SAMD5: variants seen among roughly 807,000 people sequenced by gnomAD.
The protein encoded by SAMD5 is sterile alpha motif domain containing 5, also known as sterile alpha motif domain-containing protein 5.
SAMD5 carries 13 observed loss-of-function variants against 11.3 expected under a neutral mutation model. That is an observed-to-expected ratio of 1.15 (90% CI 0.75 to 1.83). SAMD5 has a LOEUF of 1.83. SAMD5 is among the 40% of genes most tolerant of loss of function. SAMD5 has a pLI of 0.00. For synonymous variants in SAMD5, 129 were observed against 111.3 expected, an observed-to-expected ratio of 1.16 and a Z score of -1.00; for missense variants, 255 against 239.1, an observed-to-expected ratio of 1.07 and a Z score of -0.44.
chr6:147,748,027 A>G, the SAMD5 span, among the ~76,000 whole-genome samples: 6 of 152,300 alleles, frequency 3.9e-5, no homozygotes, highest in South Asian at 1.2e-3. Flanking sequence ...TGTTCTTTAT[A>G]TATAGAGGGC....
the SAMD5 span, among the ~76,000 whole-genome samples, chr6:147,861,990 C>A: frequency 6.6e-6 from 1 of 152,032 alleles, no homozygotes; most frequent in African/African-American, 2.4e-5. Flanking sequence ...AGGGGGAGGT[C>A]CAGTTTTGGG....
At chr6:147,553,725 A>C (rs1281946219) in intron 1 of SAMD5, among the ~76,000 whole-genome samples, 2 of 152,130 alleles carry the variant, frequency 1.3e-5, no homozygotes, top group African/African-American at 2.4e-5. Context: ...GTTTCTTCCG[A>C]GTTCATTTGG....
the SAMD5 span, among the ~76,000 whole-genome samples, chr6:147,947,936 C>G: frequency 6.6e-6 from 1 of 151,932 alleles, no homozygotes. Context: ...TACTGTGTTA[C>G]TCCAGTATTT....
chr6:147,865,517 T>C, the SAMD5 span, among the ~76,000 whole-genome samples: 6 of 152,170 alleles, frequency 3.9e-5, no homozygotes, highest in African/African-American at 1.4e-4. Flanking sequence ...TTTATTCCAA[T>C]AGTAATTTAG....
At chr6:147,799,609 T>G in the SAMD5 span, among the ~76,000 whole-genome samples, 1 of 152,114 alleles carries the variant, frequency 6.6e-6, no homozygotes, top group South Asian at 2.1e-4. Flanking sequence ...AATCTGAACT[T>G]TGGCCTGCCT....
intron 1 of SAMD5, among the ~76,000 whole-genome samples, chr6:147,510,057 G>A (rs1788064618): frequency 6.6e-6 from 1 of 152,208 alleles, no homozygotes; most frequent in Admixed American, 6.5e-5. Flanking sequence ...CACAGGATGT[G>A]CTTCAGAGGT....
Position 147,583,717 on chromosome 6 carries a change from G to T in SAMD5, c.162+74330G>T, listed in dbSNP as rs191627735. Among the ~76,000 whole-genome samples the T allele has an allele frequency of 2.5e-3, 379 of 152,052 alleles. 1 individual carries two copies. The highest frequency in any genetic ancestry group is 8.8e-3 in the African/African-American group (367 of 41,488). ...CTACTTTATAACCTGTTGCCATTCT[G>T]CCCCATAGAACGGTAAAATGAACAG... On this transcript the variant is annotated intron_variant, in intron 1 of 1. Transcript: ENST00000566741.
At chr6:147,905,164 A>G in the SAMD5 span, among the ~76,000 whole-genome samples, 1 of 151,722 alleles carries the variant, frequency 6.6e-6, no homozygotes, top group South Asian at 2.1e-4. Flanking sequence ...CTGGGATTAC[A>G]GGCGTGAGCC....
downstream of SAMD5, among the ~76,000 whole-genome samples, chr6:147,738,570 T>C (rs1042836685): frequency 1.3e-5 from 2 of 152,222 alleles, no homozygotes; most frequent in Non-Finnish European, 2.9e-5. Context: ...TTATTCTACA[T>C]ATTTTATATA....
the SAMD5 span, among the ~76,000 whole-genome samples, chr6:147,905,185 G>A: frequency 6.6e-6 from 1 of 151,796 alleles, no homozygotes; most frequent in Non-Finnish European, 1.5e-5. Context: ...ACTGCGCCCG[G>A]CCTTTTTTTT....
At chr6:147,547,458 C>T (rs535089305) in intron 1 of SAMD5, among the ~76,000 whole-genome samples, 25 of 128,460 alleles carry the variant, frequency 1.9e-4, no homozygotes, top group African/African-American at 7.5e-4. Context: ...GTTTGCTTTG[C>T]TGGCTGTTAG....
intron 1 of SAMD5, among the ~76,000 whole-genome samples, chr6:147,553,563 TG>T (rs912549279): frequency 2.6e-5 from 4 of 152,346 alleles, no homozygotes; most frequent in African/African-American, 9.6e-5. Flanking sequence ...CCTTGGACAA[TG>T]GCTGAGAGGT....
chr6:147,648,958 A>C (rs1790442582), intron 1 of SAMD5, among the ~76,000 whole-genome samples: 1 of 152,242 alleles, frequency 6.6e-6, no homozygotes. Context: ...GAACTGATAA[A>C]AGCCATCACC....
chr6:147,599,877 T>C (rs1789589706), intron 1 of SAMD5, among the ~76,000 whole-genome samples: 1 of 152,184 alleles, frequency 6.6e-6, no homozygotes, highest in Admixed American at 6.5e-5. Context: ...AAACAAATGC[T>C]GAACTTAGTG....
chr6:147,592,860 C>T lies in SAMD5; in HGVS notation c.162+83473C>T, dbSNP rs9403863. 8.7e-3 allele frequency among the ~76,000 whole-genome samples: 1,322 copies of T among 152,204 alleles called. 60 individuals are homozygous for T. Among genetic ancestry groups the T allele is most frequent in the Admixed American group, 0.071 (1,086 of 15,276 alleles). On this transcript the variant is annotated intron_variant, in intron 1 of 1. Transcript: ENST00000566741. ...CTATTACCAACATTCTTTTTTCTTA[C>T]ACTATATTCAGGATCCATAACATTC...
At chr6:147,601,437 G>A (rs998811669) in intron 1 of SAMD5, among the ~76,000 whole-genome samples, 1 of 151,598 alleles carries the variant, frequency 6.6e-6, no homozygotes, top group Non-Finnish European at 1.5e-5. Flanking sequence ...ACTCATGTAA[G>A]GACTTAATTT....
intron 1 of SAMD5, among the ~76,000 whole-genome samples, chr6:147,534,350 A>T (rs9497800): frequency 0.53 from 80,947 of 151,982 alleles, 21,885 homozygotes; most frequent in East Asian, 0.69. Flanking sequence ...AACCTCCCCA[A>T]ACAGAGTTCA....
chr6:147,526,768 T>G (rs1788348481), intron 1 of SAMD5, among the ~76,000 whole-genome samples: 1 of 152,142 alleles, frequency 6.6e-6, no homozygotes, highest in South Asian at 2.1e-4. Flanking sequence ...GTGACAAAAG[T>G]GCGAGGTTTG....
intron 1 of SAMD5, among the ~76,000 whole-genome samples, chr6:147,547,492 G>C (rs1020277619): frequency 6.6e-6 from 1 of 152,144 alleles, no homozygotes; most frequent in African/African-American, 2.4e-5. Flanking sequence ...TCTTGAGCTG[G>C]AGGCTGCCCT....
Sources: allele counts gnomAD v4.1 joint callset (sites outside exome capture counted in the v4.1 genomes callset), GRCh38; gene constraint gnomAD v4.1.1; transcripts MANE v1.5; gene names NCBI Gene and HGNC (gene_info 2026-07-23, HGNC 2026-07-21).